Variants in PCSK2 observed in about 807,000 individuals in gnomAD.
The protein encoded by PCSK2 is neuroendocrine convertase 2.
In PCSK2, 14 loss-of-function variants were observed where a neutral mutation model predicts 69.7. That is an observed-to-expected ratio of 0.20 (90% confidence interval 0.13 to 0.31). The LOEUF (loss-of-function observed/expected upper bound fraction) is 0.31. PCSK2 is among the 10% of genes least tolerant of loss of function. The pLI, the probability that PCSK2 is intolerant of heterozygous loss-of-function variation, is 1.00. For synonymous variants in PCSK2, 307 were observed against 320.7 expected (o/e 0.96, Z 0.46); for missense variants, 544 against 842.5 (o/e 0.65, Z 4.39).
At chr20:17,388,230 T>A (rs900905775) in intron 5 of PCSK2, among the ~76,000 whole-genome samples, 1 of 152,132 alleles carries the variant, frequency 6.6e-6, no homozygotes, top group African/African-American at 2.4e-5. Flanking sequence ...TGAGGATTCA[T>A]AACTTCATCC....
At chr20:17,416,742 A>G (rs1223072368) in intron 6 of PCSK2, among the ~76,000 whole-genome samples, 1 of 152,230 alleles carries the variant, frequency 6.6e-6, no homozygotes, top group African/African-American at 2.4e-5. Flanking sequence ...TTGTGGCACT[A>G]TTGACAATAG....
intron 2 of PCSK2, among the ~76,000 whole-genome samples, chr20:17,343,851 G>C (rs1651464305): frequency 6.6e-6 from 1 of 152,146 alleles, no homozygotes; most frequent in South Asian, 2.1e-4. Flanking sequence ...GGCAAAAAAA[G>C]AATCCCTGCC....
chr20:17,411,254 C>T (rs528266085), intron 6 of PCSK2, among the ~76,000 whole-genome samples: 12 of 152,264 alleles, frequency 7.9e-5, no homozygotes, highest in African/African-American at 2.4e-4. Context: ...TGCAAGGGGT[C>T]GGAGGATTTC....
rs1555796488 is a variant in PCSK2 at position 17,449,526 on chromosome 20, G to GTGTATATATATATA, written c.886-4215_886-4214insGTATATATATATAT. Reference sequence around the variant, plus strand: ...AATATACATATATATATGTATGTATGTATATATATATATGTATATTTGAGA... The same window carrying GTGTATATATATATA: ...AATATACATATATATATGTATGTATGTGTATATATATATATATATATATATATGTATATTTGAGA... On this transcript the variant is annotated intron_variant, in intron 8 of 11. Transcript: ENST00000262545. Among the ~76,000 whole-genome samples, 60 of 130,704 alleles carry GTGTATATATATATA rather than the reference G, an allele frequency of 4.6e-4. 1 individual carries two copies. Among genetic ancestry groups the GTGTATATATATATA allele is most frequent in the African/African-American group, 1.7e-3 (56 of 33,680 alleles). The allele number at this position is 130,704 out of a possible 152,430, so 85.7% of individuals were successfully genotyped here. A position where few individuals can be genotyped will look rare whatever the true frequency, so the allele number is the denominator to read the frequency against.
At position 17,313,019 on chromosome 20, in the gene PCSK2, A is replaced by G. The variant is rs1347018700; in HGVS notation, c.283-45308A>G. ...GATGAATGCTATCCACTAGAAATAT[A>G]AAGGAAGCCACATAGGTGATCTTAA... On this transcript the variant is annotated intron_variant, in intron 2 of 11. Coordinates refer to ENST00000262545, the MANE Select transcript of PCSK2 (RefSeq NM_002594.5). Among the ~76,000 whole-genome samples the G allele has an allele frequency of 6.6e-5, 10 of 152,338 alleles. No homozygotes were observed. The East Asian group carries it at 1.7e-3, about 26-fold the overall frequency.
Position 17,465,507 on chromosome 20 carries a change from G to A in PCSK2, c.1384G>A (p.Val462Met), listed in dbSNP as rs778263964. ...MVKMAKDWKT[V>M]PERFHCVGGS... ...GAAAATGGCTAAAGACTGGAAAACC[G>A]TGCCTGAGAGATTCCACTGTGTGGG... Residue 462 changes from valine to methionine, a missense_variant, in exon 11 of 12, where the codon GTG (valine) becomes ATG (methionine). Coordinates refer to ENST00000262545, the MANE Select transcript of PCSK2 (RefSeq NM_002594.5). The A allele has an allele frequency of 5.0e-6, 8 of 1,611,764 alleles. No individual in the cohort carries two copies. The highest frequency in any genetic ancestry group is 1.1e-5 in the South Asian group (1 of 90,518).
chr20:17,383,778 G>A (rs1568627361), intron 5 of PCSK2, among the ~76,000 whole-genome samples: 1 of 152,206 alleles, frequency 6.6e-6, no homozygotes, highest in African/African-American at 2.4e-5. Context: ...TCTCTCTTGA[G>A]AAACGTGGTG....
chr20:17,447,099 A>G (rs1192737131), intron 8 of PCSK2, among the ~76,000 whole-genome samples: 1 of 140,948 alleles, frequency 7.1e-6, no homozygotes, highest in African/African-American at 2.8e-5. Flanking sequence ...CTACTAAAAA[A>G]AATAAATAAA....
At chr20:17,378,476 G>A (rs535373228) in intron 5 of PCSK2, among the ~76,000 whole-genome samples, 2 of 152,276 alleles carry the variant, frequency 1.3e-5, no homozygotes, top group South Asian at 4.1e-4. Context: ...TTAAAGACCA[G>A]GGTAATGTCT....
chr20:17,443,266 C>T (rs577347377), intron 8 of PCSK2, among the ~76,000 whole-genome samples: 1 of 152,316 alleles, frequency 6.6e-6, no homozygotes, highest in Admixed American at 6.5e-5. Context: ...TTCAACCCAT[C>T]TGAAACAGCA....
At chr20:17,376,465 G>A (rs1388308113) in intron 5 of PCSK2, among the ~76,000 whole-genome samples, 1 of 152,150 alleles carries the variant, frequency 6.6e-6, no homozygotes, top group African/African-American at 2.4e-5. Flanking sequence ...CCCCAGTCTG[G>A]AGAGAATATT....
At chr20:17,297,378 G>A (rs564393837) in intron 2 of PCSK2, among the ~76,000 whole-genome samples, 1 of 152,364 alleles carries the variant, frequency 6.6e-6, no homozygotes, top group Admixed American at 6.5e-5. Context: ...GTGTTGGTGA[G>A]TGTCAGGTGC....
At chr20:17,464,721 A>G (rs1273921795) in intron 10 of PCSK2, 1 of 152,662 alleles carries the variant, frequency 6.6e-6, no homozygotes, top group Non-Finnish European at 1.5e-5. Context: ...CATGTTGTTC[A>G]GAGTACCTGG....
At chr20:17,364,053 G>C (rs917200532) in intron 4 of PCSK2, among the ~76,000 whole-genome samples, 10 of 151,788 alleles carry the variant, frequency 6.6e-5, no homozygotes, top group African/African-American at 2.4e-4. Flanking sequence ...CGAGTTAATG[G>C]GTGCAGCACA....
intron 2 of PCSK2, among the ~76,000 whole-genome samples, chr20:17,300,365 G>C (rs1223956486): frequency 6.6e-6 from 1 of 152,240 alleles, no homozygotes; most frequent in Non-Finnish European, 1.5e-5. Flanking sequence ...CCCAAGGCCT[G>C]GCCGGCTGAG....
At chr20:17,322,799 A>T (rs1316312397) in intron 2 of PCSK2, among the ~76,000 whole-genome samples, 2 of 152,182 alleles carry the variant, frequency 1.3e-5, no homozygotes, top group Non-Finnish European at 2.9e-5. Flanking sequence ...GCATTAATTT[A>T]TTCATGGAAG....
chr20:17,336,802 G>T (rs533124036), intron 2 of PCSK2, among the ~76,000 whole-genome samples: 81 of 152,208 alleles, frequency 5.3e-4, no homozygotes, highest in Non-Finnish European at 9.4e-4. Context: ...TCTGAAGAGG[G>T]TCGACTGAAA....
chr20:17,315,018 T>C (rs1218347663), intron 2 of PCSK2, among the ~76,000 whole-genome samples: 1 of 152,176 alleles, frequency 6.6e-6, no homozygotes, highest in Non-Finnish European at 1.5e-5. Context: ...GCTTTTCAAT[T>C]CCTTCCTGAA....
At chr20:17,403,558 A>T (rs1173245689) in intron 5 of PCSK2, among the ~76,000 whole-genome samples, 1 of 152,362 alleles carries the variant, frequency 6.6e-6, no homozygotes, top group African/African-American at 2.4e-5. Context: ...TTGAGAGTCT[A>T]TCTGAAGGAG....
Sources: allele counts gnomAD v4.1 joint callset (sites outside exome capture counted in the v4.1 genomes callset), GRCh38; gene constraint gnomAD v4.1.1; transcripts MANE v1.5; gene names NCBI Gene and HGNC (gene_info 2026-07-23, HGNC 2026-07-21).